Variants in COL4A3 observed in about 807,000 individuals in gnomAD.
COL4A3 encodes collagen alpha-3(IV) chain.
A neutral mutation model predicts 217.4 loss-of-function variants in COL4A3; 135 were observed. That is an observed-to-expected ratio of 0.62 (90% CI 0.54 to 0.72). COL4A3 has a LOEUF of 0.72. Among genes scored for constraint, COL4A3 ranks in the 30% least tolerant of loss-of-function variants. COL4A3 has a pLI of 0.00. For missense variants in COL4A3, 1,868 were observed against 2,119.9 expected, an observed-to-expected ratio of 0.88 and a Z score of 2.33; for synonymous variants, 690 against 736.3, an observed-to-expected ratio of 0.94 and a Z score of 1.02.
chr2:227,164,772 C>T lies in COL4A3; in HGVS notation c.46C>T (p.Leu16Phe). Residue 16 changes from leucine to phenylalanine, a missense_variant, in exon 1 of 52, where the codon CTC becomes TTC. Around this residue, in one of 2 missense-constraint regions of COL4A3, gnomAD observed 365 missense variants for 333.8 expected, o/e 1.09. Coordinates refer to ENST00000396578, the MANE Select transcript of COL4A3 (RefSeq NM_000091.5). The surrounding 1 kb of genome is among the most constrained non-coding windows in gnomAD (Gnocchi z 4.8). The part of the protein sequence containing the change: ...APRPQVLLLP[L>F]LLVLLAAAPA... ...CAGGCCGCAGGTGCTCCTGCTGCCGCTCCTGCTGGTGCTCCTGGCGGCGGC... is the reference window on the plus strand; with the variant it reads ...CAGGCCGCAGGTGCTCCTGCTGCCGTTCCTGCTGGTGCTCCTGGCGGCGGC... 6.6e-7 allele frequency: 1 copy of T among 1,523,270 alleles called. No individual in the cohort carries two copies. 94.4% of individuals were successfully genotyped at this position (1,523,270 alleles called of 1,614,324 possible).
rs772528863 is a variant in COL4A3, at chr2:227,305,038, G to A, written c.4207G>A (p.Gly1403Arg). The A allele has an allele frequency of 6.2e-6, 10 of 1,613,934 alleles. No homozygotes were observed. The East Asian group carries it at 2.2e-4, about 36-fold the overall frequency. The change falls in exon 47 of 52, where the codon GGA becomes AGA. Residue 1403 changes from glycine (G) to arginine (R), a missense_variant. Coordinates refer to ENST00000396578, the MANE Select transcript of COL4A3 (RefSeq NM_000091.5). ...PGKDGKPGTP[G>R]PAGEKGNKGS... is the part of the protein sequence containing the mutation. ...CAAGGATGGAAAACCAGGAACTCCT[G>A]GACCAGCTGGAGAAAAAGGCAACAA...
intron 23 of COL4A3, 45 bp from the exon 24 acceptor site, chr2:227,269,865 G>T (rs376998767): frequency 1.1e-5 from 16 of 1,518,678 alleles, no homozygotes; most frequent in Non-Finnish European, 1.5e-5. Context: ...TCTACTTAGA[G>T]TTGGCGTTCA....
rs869289707 is a variant in COL4A3 at position 227,291,562 on chromosome 2, CA to C, written c.3210+693del. ...TGGGAGACACAGCGAGACTCCGTCT[CA>C]AAAAAAAAAAAAAAAACAAAAAAAA... On this transcript the variant is annotated intron_variant, in intron 37 of 51. Coordinates refer to ENST00000396578, the MANE Select transcript of COL4A3 (RefSeq NM_000091.5). 4.4e-4 allele frequency among the ~76,000 whole-genome samples: 15 copies of C among 34,410 alleles called. 1 individual carries two copies. Among genetic ancestry groups the C allele is most frequent in the East Asian group, 3.3e-3 (7 of 2,132 alleles). The allele number at this position is 34,410 out of a possible 152,430, so 22.6% of individuals were successfully genotyped here. A position where few individuals can be genotyped will look rare whatever the true frequency, so the allele number is the denominator to read the frequency against.
chr2:227,273,008 C>T lies in COL4A3; in HGVS notation c.1818C>T (p.Ser606=). 6.2e-7 allele frequency: 1 copy of T among 1,614,074 alleles called. No individual in the cohort carries two copies. Among genetic ancestry groups the T allele is most frequent in the Non-Finnish European group, 8.5e-7 (1 of 1,179,988 alleles). The change falls in exon 26 of 52, where the codon TCC becomes TCT. Residue 606 remains serine (S), a synonymous_variant. Transcript: ENST00000396578. ...GPPGDPGSPG[S]PGPAGPAGPP... ...CAGGGGATCCTGGCTCCCCTGGGTCCCCAGGACCTGCAGGACCAGCTGGAC... is the reference window on the plus strand; with the variant it reads ...CAGGGGATCCTGGCTCCCCTGGGTCTCCAGGACCTGCAGGACCAGCTGGAC...
chr2:227,202,746 A>T (rs201512446), intron 1 of COL4A3, among the ~76,000 whole-genome samples: 2,624 of 21,968 alleles, frequency 0.12, 222 homozygotes, highest in East Asian at 0.4. Context: ...AAAAAAAAAA[A>T]ATATATATAT....
At chr2:227,308,493 C>T (rs577924116) in intron 48 of COL4A3, among the ~76,000 whole-genome samples, 4 of 152,230 alleles carry the variant, frequency 2.6e-5, no homozygotes, top group Admixed American at 6.5e-5. Flanking sequence ...GGATTACAGG[C>T]GTGAGCCACC....
chr2:227,269,880 G>C, intron 23 of COL4A3, 30 bp from the exon 24 acceptor site: 1 of 1,597,994 alleles, frequency 6.3e-7, no homozygotes, highest in African/African-American at 1.3e-5. Flanking sequence ...CGTTCAATGA[G>C]GAGTTAGTTA....
Position 227,248,524 on chromosome 2 carries a change from C to G in COL4A3, c.546+4C>G. The G allele has an allele frequency of 6.2e-7, 1 of 1,606,826 alleles. No individual in the cohort carries two copies. The highest frequency in any genetic ancestry group is 8.5e-7 in the Non-Finnish European group (1 of 1,173,568). ...GCCAGGGGCTCCAGGACCCCAGGTA[C>G]AGCACTTCAGAGAAGGTCCCTATTA... On this transcript the variant is annotated splice_donor_region_variant and intron_variant, in intron 9 of 51. Coordinates refer to ENST00000396578, the MANE Select transcript of COL4A3 (RefSeq NM_000091.5).
At position 227,257,560 on chromosome 2, in the gene COL4A3, T is replaced by C. The variant is rs1574711079; in HGVS notation, c.988-43T>C. On this transcript the variant is annotated intron_variant, in intron 17 of 51. Coordinates refer to ENST00000396578, the MANE Select transcript of COL4A3 (RefSeq NM_000091.5). ...ATCTTGCTTTTTATATGTAAATACT[T>C]TGGGTGACCATATTCACAATTTGTA... is the stretch of plus-strand genomic sequence containing the variant. 2.3e-5 allele frequency: 36 copies of C among 1,534,872 alleles called. No individual in the cohort carries two copies. In the East Asian group the frequency reaches 8.1e-4, roughly 35 times the overall value.
intron 5 of COL4A3, among the ~76,000 whole-genome samples, 158 bp downstream of exon 5, chr2:227,245,153 T>C (rs2069254549): frequency 6.6e-6 from 1 of 152,144 alleles, no homozygotes. Context: ...TGTGGATTTA[T>C]ATGACATATG....
chr2:227,167,341 G>A (rs925295802), intron 1 of COL4A3, among the ~76,000 whole-genome samples: 11 of 152,178 alleles, frequency 7.2e-5, no homozygotes, highest in East Asian at 1.9e-4. Flanking sequence ...CTGATGTGCC[G>A]AGAATTAAAT....
intron 1 of COL4A3, among the ~76,000 whole-genome samples, chr2:227,165,871 C>T (rs2065247799): frequency 6.7e-6 from 1 of 150,290 alleles, no homozygotes; most frequent in African/African-American, 2.5e-5. Context: ...TGACACCCCC[C>T]ATACCTCTCC....
chr2:227,281,074 G>A (rs2071930873), intron 31 of COL4A3, 68 bp downstream of exon 31: 1 of 972,640 alleles, frequency 1.0e-6, no homozygotes, highest in African/African-American at 1.6e-5. Context: ...TCTGTGCTTT[G>A]CTGCTTAACA....
At chr2:227,311,315 T>G (rs1271375919) in intron 51 of COL4A3, among the ~76,000 whole-genome samples, 6 of 152,134 alleles carry the variant, frequency 3.9e-5, no homozygotes, top group Non-Finnish European at 7.4e-5. Context: ...CCACCATATA[T>G]ACCTTTTCAG....
chr2:227,182,217 G>A (rs1281019779), intron 1 of COL4A3, among the ~76,000 whole-genome samples: 2 of 152,168 alleles, frequency 1.3e-5, no homozygotes, highest in African/African-American at 4.8e-5. Context: ...TATTGGCCAG[G>A]AGTCAGCCAA....
chr2:227,194,772 G>A (rs1016735999), intron 1 of COL4A3, among the ~76,000 whole-genome samples: 5 of 152,024 alleles, frequency 3.3e-5, no homozygotes, highest in South Asian at 2.1e-4. Flanking sequence ...TAAATATTGT[G>A]GCTAAATGTT....
chr2:227,237,879 G>A, intron 1 of COL4A3, 89 bp from the exon 2 acceptor site: 3 of 939,058 alleles, frequency 3.2e-6, no homozygotes, highest in Non-Finnish European at 5.3e-6. Context: ...AATACTCGAA[G>A]AACAGAGAAA....
At chr2:227,262,093 A>C (rs2070612982) in intron 20 of COL4A3, among the ~76,000 whole-genome samples, 1 of 152,168 alleles carries the variant, frequency 6.6e-6, no homozygotes, top group Admixed American at 6.5e-5. Context: ...AATAAAGCAG[A>C]CTGCAGAACT....
In COL4A3 at chr2:227,254,602, G is replaced by A. The variant is rs2070030840; in HGVS notation, c.829-54G>A. On this transcript the variant is annotated intron_variant, in intron 14 of 51. Transcript: ENST00000396578. ...AAGGGACAAATTAATAAAAATCAAT[G>A]TAAGTAAAAAAATCAGTAATTCATA... 22 of 1,323,960 alleles carry A rather than the reference G, an allele frequency of 1.7e-5. No individual in the cohort carries two copies. In the Admixed American group the frequency reaches 2.3e-4, roughly 14 times the overall value. 82.0% of individuals were successfully genotyped at this position (1,323,960 alleles called of 1,614,324 possible).
Sources: allele counts gnomAD v4.1 joint callset (sites outside exome capture counted in the v4.1 genomes callset), GRCh38; gene constraint gnomAD v4.1.1; regional missense constraint gnomAD v4.1.1; non-coding constraint Gnocchi (gnomAD v3.1); transcripts MANE v1.5; gene names NCBI Gene and HGNC (gene_info 2026-07-23, HGNC 2026-07-21).